Variants in CSMD1 observed in about 807,000 individuals in gnomAD.
CSMD1 encodes CUB and Sushi multiple domains 1.
A neutral mutation model predicts 417.5 loss-of-function variants in CSMD1; 213 were observed. The observed-to-expected ratio is 0.51, with a 90% CI of 0.46 to 0.57. The LOEUF is 0.57. Ranked by LOEUF, CSMD1 falls within the 20% of genes least tolerant of loss-of-function variation. The pLI is 0.00. For missense variants in CSMD1, 6,923 were observed against 4,529.7 expected (o/e 1.53, Z -15.17); for synonymous variants, 2,862 against 1,736.8 (o/e 1.65, Z -16.11).
chr8:3,486,820 T>C (rs1818062600), intron 11 of CSMD1, among the ~76,000 whole-genome samples: 1 of 152,206 alleles, frequency 6.6e-6, no homozygotes, highest in African/African-American at 2.4e-5. Context: ...AAATCCAAAA[T>C]GCTGAAGCCC....
chr8:4,472,868 T>C (rs1800613723), intron 2 of CSMD1, among the ~76,000 whole-genome samples: 2 of 151,972 alleles, frequency 1.3e-5, no homozygotes, highest in African/African-American at 4.8e-5. Flanking sequence ...TTAAACATAG[T>C]TATTCACTTT....
intron 4 of CSMD1, among the ~76,000 whole-genome samples, chr8:4,022,103 A>C (rs1430595853): frequency 7.1e-6 from 1 of 140,362 alleles, no homozygotes; most frequent in African/African-American, 2.7e-5. Context: ...ACACATATAT[A>C]TATGAATGGA....
At chr8:3,284,970 A>T (rs1019781554) in intron 25 of CSMD1, among the ~76,000 whole-genome samples, 1 of 152,180 alleles carries the variant, frequency 6.6e-6, no homozygotes, top group African/African-American at 2.4e-5. Flanking sequence ...TTAGACTTCC[A>T]GGTATTTTTC....
intron 1 of CSMD1, among the ~76,000 whole-genome samples, chr8:4,931,037 C>A (rs545978159): frequency 2.0e-5 from 3 of 152,216 alleles, no homozygotes; most frequent in African/African-American, 7.2e-5. Flanking sequence ...AGGAAATCTG[C>A]CCTTACAAAT....
chr8:4,905,024 G>C (rs1371691591), intron 1 of CSMD1, among the ~76,000 whole-genome samples: 2 of 152,134 alleles, frequency 1.3e-5, no homozygotes, highest in African/African-American at 2.4e-5. Context: ...TGTGACAGTA[G>C]AAATTAAAAA....
At chr8:3,772,262 G>GACATACATATGTACATATATTTAT (rs1563063825) in intron 5 of CSMD1, among the ~76,000 whole-genome samples, 1 of 120,256 alleles carries the variant, frequency 8.3e-6, no homozygotes, top group African/African-American at 3.7e-5. Flanking sequence ...CATATATTTA[G>GACATACATATGTACATATATTTAT]ACATACATAT....
At chr8:4,725,084 T>A (rs1430865576) in intron 1 of CSMD1, among the ~76,000 whole-genome samples, 1 of 152,178 alleles carries the variant, frequency 6.6e-6, no homozygotes, top group African/African-American at 2.4e-5. Flanking sequence ...CCATTTGCGA[T>A]CCGAACTTTT....
At chr8:3,785,363 TC>T (rs1387126346) in intron 5 of CSMD1, among the ~76,000 whole-genome samples, 1 of 152,138 alleles carries the variant, frequency 6.6e-6, no homozygotes, top group Non-Finnish European at 1.5e-5. Flanking sequence ...TGGAACCATT[TC>T]TTTTTTCATT....
chr8:3,022,800 A>G (rs904324515), intron 51 of CSMD1, among the ~76,000 whole-genome samples: 3 of 152,194 alleles, frequency 2.0e-5, no homozygotes, highest in South Asian at 2.1e-4. Context: ...TGGACTCACA[A>G]TGGCTGTTTG....
chr8:4,958,081 G>C (rs1809240831), intron 1 of CSMD1, among the ~76,000 whole-genome samples: 1 of 152,164 alleles, frequency 6.6e-6, no homozygotes, highest in Non-Finnish European at 1.5e-5. Context: ...GTATTTGAGT[G>C]TTCATAATCC....
intron 10 of CSMD1, among the ~76,000 whole-genome samples, chr8:3,562,786 G>A (rs1799525352): frequency 6.6e-6 from 1 of 151,922 alleles, no homozygotes; most frequent in Non-Finnish European, 1.5e-5. Context: ...AGGGTGGGAG[G>A]GGGAAGAGGA....
chr8:3,999,995 C>T (rs1172154431), intron 4 of CSMD1, among the ~76,000 whole-genome samples: 1 of 152,192 alleles, frequency 6.6e-6, no homozygotes, highest in Non-Finnish European at 1.5e-5. Flanking sequence ...GGTAGTGTTT[C>T]CTTTTAAAAG....
chr8:2,981,601 T>C (rs887906436), intron 54 of CSMD1, among the ~76,000 whole-genome samples: 1 of 152,090 alleles, frequency 6.6e-6, no homozygotes, highest in East Asian at 1.9e-4. Context: ...CTGGGAGGAA[T>C]GAGAACACTG....
chr8:3,338,325 C>A (rs963511500), intron 23 of CSMD1, among the ~76,000 whole-genome samples: 1 of 152,142 alleles, frequency 6.6e-6, no homozygotes, highest in East Asian at 1.9e-4. Flanking sequence ...TCAGTGTCCA[C>A]AGAACGGAAA....
At chr8:4,617,264 T>C (rs1034275137) in intron 2 of CSMD1, among the ~76,000 whole-genome samples, 6 of 152,184 alleles carry the variant, frequency 3.9e-5, no homozygotes, top group African/African-American at 1.4e-4. Flanking sequence ...GAGCGATTAC[T>C]TGCTTCACCT....
At chr8:3,990,827 C>T (rs188933529) in intron 5 of CSMD1, among the ~76,000 whole-genome samples, 73 of 152,204 alleles carry the variant, frequency 4.8e-4, no homozygotes, top group Middle Eastern at 3.4e-3. Flanking sequence ...GGTATACGCT[C>T]CTGGTAGTGA....
intron 3 of CSMD1, among the ~76,000 whole-genome samples, chr8:4,382,130 G>T (rs768471393): frequency 6.6e-6 from 1 of 152,074 alleles, no homozygotes; most frequent in Non-Finnish European, 1.5e-5. Flanking sequence ...TTCAATAAAG[G>T]ACATCTTTGA....
At chr8:3,921,161 G>T (rs1352216108) in intron 5 of CSMD1, among the ~76,000 whole-genome samples, 1 of 152,048 alleles carries the variant, frequency 6.6e-6, no homozygotes, top group Non-Finnish European at 1.5e-5. Context: ...GACCCTTTGA[G>T]ATTTTCTGTT....
intron 27 of CSMD1, among the ~76,000 whole-genome samples, chr8:3,229,651 G>A (rs933740177): frequency 6.6e-6 from 1 of 152,098 alleles, no homozygotes; most frequent in Non-Finnish European, 1.5e-5. Context: ...TCTAAAAAGA[G>A]AAAGTACTTT....
Sources: allele counts gnomAD v4.1 joint callset (sites outside exome capture counted in the v4.1 genomes callset), GRCh38; gene constraint gnomAD v4.1.1; transcripts MANE v1.5; gene names NCBI Gene and HGNC (gene_info 2026-07-23, HGNC 2026-07-21).